ATR: variants seen among roughly 807,000 people sequenced by gnomAD.
ATR encodes serine/threonine-protein kinase ATR.
In ATR, 142 loss-of-function variants were observed where a neutral mutation model predicts 305.3. That is an observed-to-expected ratio of 0.47 (90% confidence interval 0.41 to 0.53). ATR has a LOEUF of 0.53. Ranked by LOEUF, ATR falls within the 20% of genes least tolerant of loss-of-function variation. The pLI is 0.00. For missense variants in ATR, 2,135 were observed against 3,133.1 expected (o/e 0.68, Z 7.60); for synonymous variants, 1,050 against 1,068.1 (o/e 0.98, Z 0.33).
At chr3:142,484,766 A>G (rs1230308211) in intron 36 of ATR, among the ~76,000 whole-genome samples, 2 of 152,076 alleles carry the variant, frequency 1.3e-5, no homozygotes, top group African/African-American at 4.8e-5. Context: ...CTCCAGGTAG[A>G]GAGTGTCAGA....
intron 21 of ATR, among the ~76,000 whole-genome samples, chr3:142,529,168 C>T (rs985872074): frequency 6.6e-6 from 1 of 151,540 alleles, no homozygotes. Flanking sequence ...GCGTGAGCTA[C>T]CGTGCCCAGC....
In ATR at chr3:142,462,016, A is replaced by T; in HGVS notation, c.7116T>A (p.Asp2372Glu). ...IRTYAVIPLN[D>E]ECGIIEWVNN... ...TCACCCATTCAATAATCCCACATTC[A>T]TCATTTAGTGGAATAACTGCATATG... is the stretch of plus-strand genomic sequence containing the variant. The change falls in exon 42 of 47, where the codon GAT becomes GAA. Residue 2372 changes from aspartate to glutamate, a missense_variant. Physicochemically the swap from Asp to Glu is conservative, Grantham distance 45. Transcript: ENST00000350721. 6.2e-7 allele frequency: 1 copy of T among 1,613,454 alleles called. No homozygotes were observed. The highest frequency in any genetic ancestry group is 8.5e-7 in the Non-Finnish European group (1 of 1,179,624).
chr3:142,513,350 C>T, intron 26 of ATR, 151 bp downstream of exon 26: 2 of 888,102 alleles, frequency 2.3e-6, no homozygotes, highest in Non-Finnish European at 1.8e-6. Flanking sequence ...TAAAGGGATA[C>T]ACACACCAAA....
intron 37 of ATR, 114 bp from the exon 38 acceptor site, chr3:142,469,683 C>A: frequency 1.1e-6 from 1 of 887,280 alleles, no homozygotes; most frequent in South Asian, 1.5e-5. Flanking sequence ...TATGTTATTC[C>A]CATGCCCAAG....
intron 13 of ATR, 67 bp downstream of exon 13, chr3:142,553,160 T>C (rs2034538473): frequency 2.8e-5 from 43 of 1,537,316 alleles, no homozygotes; most frequent in Non-Finnish European, 3.7e-5. Flanking sequence ...GTATAAATAT[T>C]CTTCTTTTTT....
intron 21 of ATR, among the ~76,000 whole-genome samples, 170 bp from the exon 22 acceptor site, chr3:142,524,369 G>C (rs1347977432): frequency 6.6e-6 from 1 of 152,072 alleles, no homozygotes. Context: ...ACATAATATA[G>C]TTCAACAATA....
chr3:142,490,794 T>C (rs1033617226), intron 35 of ATR, among the ~76,000 whole-genome samples: 3 of 152,304 alleles, frequency 2.0e-5, no homozygotes, highest in Non-Finnish European at 2.9e-5. Flanking sequence ...TGTTGTCATA[T>C]AGAAATAAAA....
intron 46 of ATR, chr3:142,450,886 G>T: frequency 7.8e-7 from 1 of 1,285,432 alleles, no homozygotes; most frequent in East Asian, 3.9e-5. Context: ...ATACCAATAC[G>T]GTGTTAAAAA....
At chr3:142,556,282 G>A in intron 9 of ATR, 101 bp downstream of exon 9, 5 of 1,486,298 alleles carry the variant, frequency 3.4e-6, no homozygotes, top group Non-Finnish European at 4.6e-6. Flanking sequence ...AGCAACATTT[G>A]CTTTACATAT....
At chr3:142,487,734 C>T (rs2031032452) in intron 35 of ATR, among the ~76,000 whole-genome samples, 1 of 152,168 alleles carries the variant, frequency 6.6e-6, no homozygotes, top group African/African-American at 2.4e-5. Context: ...TTGCCTCTAA[C>T]TCACAATGGT....
intron 46 of ATR, chr3:142,450,407 C>T: frequency 6.3e-7 from 1 of 1,576,094 alleles, no homozygotes; most frequent in Non-Finnish European, 8.7e-7. Context: ...CTGCTGTCTT[C>T]TTTCACTTGT....
At chr3:142,550,792 AT>A (rs948725152) in intron 13 of ATR, among the ~76,000 whole-genome samples, 63 of 147,238 alleles carry the variant, frequency 4.3e-4, no homozygotes, top group Non-Finnish European at 4.2e-4. Context: ...TTTGACAATA[AT>A]TTTTTTTTTT....
intron 36 of ATR, among the ~76,000 whole-genome samples, chr3:142,479,466 C>T (rs2108298556): frequency 6.6e-6 from 1 of 152,326 alleles, no homozygotes; most frequent in Non-Finnish European, 1.5e-5. Flanking sequence ...AGCTGTTAGT[C>T]TGATGGGGTT....
At position 142,562,873 on chromosome 3, in the gene ATR, G is replaced by A. The variant is rs1173523308; in HGVS notation, c.529C>T (p.Arg177Ter). The change falls in exon 4 of 47, where the codon CGA becomes TGA. Residue 177 changes from arginine to a stop codon, truncating the protein, a stop_gained. Transcript: ENST00000350721. LOFTEE classifies it high-confidence loss of function. ...HAVEWPVVMS[R>*]FLSQLDEHMG... Reference sequence around the variant, plus strand: ...TGTTCATCTAATTGACTTAAAAATCGGCTCATGACCACTGGCCATTCCACA... The same window carrying A: ...TGTTCATCTAATTGACTTAAAAATCAGCTCATGACCACTGGCCATTCCACA... The A allele has an allele frequency of 2.5e-6, 4 of 1,610,630 alleles. No individual in the cohort carries two copies. Among genetic ancestry groups the A allele is most frequent in the Non-Finnish European group, 3.4e-6 (4 of 1,178,954 alleles).
Position 142,496,516 on chromosome 3 carries a change from C to A in ATR, c.5743G>T (p.Asp1915Tyr), listed in dbSNP as rs2031654817. The change falls in exon 34 of 47, where the codon GAT becomes TAT. Residue 1915 changes from aspartate (D) to tyrosine (Y), a missense_variant. Physicochemically the swap from Asp to Tyr is radical, Grantham distance 160. This residue lies in a region of ATR where 30 missense variants were observed against 26.7 expected (regional missense o/e 1.12). Transcript: ENST00000350721. ...CATTCTCCAACCATTTCATTGTAAT[C>A]TGGTCTAAAGGAAGTAACAACACAT... ...RALLSLNKRP[D>Y]YNEMVGECWL... The A allele has an allele frequency of 6.2e-7, 1 of 1,608,764 alleles. No homozygotes were observed. Among genetic ancestry groups the A allele is most frequent in the Non-Finnish European group, 8.5e-7 (1 of 1,177,434 alleles).
chr3:142,578,499 C>G (rs2035513007), intron 1 of ATR, 147 bp downstream of exon 1: 1 of 958,646 alleles, frequency 1.0e-6, no homozygotes, highest in Non-Finnish European at 1.5e-6. Flanking sequence ...GAGAAGCGCC[C>G]AAATCAGCCA....
At chr3:142,548,006 C>T (rs2034337733) in intron 15 of ATR, 96 bp from the exon 16 acceptor site, 2 of 1,067,384 alleles carry the variant, frequency 1.9e-6, no homozygotes, top group East Asian at 5.0e-5. Context: ...ACATCAGGAG[C>T]TCTAGCCCAG....
intron 35 of ATR, among the ~76,000 whole-genome samples, chr3:142,491,857 TTTTG>T (rs1171269082): frequency 1.3e-5 from 2 of 152,220 alleles, no homozygotes; most frequent in African/African-American, 2.4e-5. Flanking sequence ...ATGCTCTTAT[TTTTG>T]TTTATGTTCT....
chr3:142,470,561 A>T (rs1364969747), intron 36 of ATR, among the ~76,000 whole-genome samples: 1 of 152,172 alleles, frequency 6.6e-6, no homozygotes, highest in Non-Finnish European at 1.5e-5. Context: ...AAATTATAAT[A>T]ACTTGGTCAC....
Sources: allele counts gnomAD v4.1 joint callset (sites outside exome capture counted in the v4.1 genomes callset), GRCh38; gene constraint gnomAD v4.1.1; regional missense constraint gnomAD v4.1.1; transcripts MANE v1.5; gene names NCBI Gene and HGNC (gene_info 2026-07-23, HGNC 2026-07-21).